The following MDGA2 variants were observed in gnomAD, a reference collection of about 807,000 sequenced individuals.
MDGA2 encodes MAM domain containing glycosylphosphatidylinositol anchor 2, also known as MAM domain-containing glycosylphosphatidylinositol anchor protein 2.
In MDGA2, 40 loss-of-function variants were observed where a neutral mutation model predicts 117.8. The observed-to-expected ratio is 0.34, with a 90% CI of 0.26 to 0.44. MDGA2 has a LOEUF of 0.44. Ranked by LOEUF, MDGA2 falls within the 20% of genes least tolerant of loss-of-function variation. The pLI, the probability that MDGA2 is intolerant of heterozygous loss-of-function variation, is 1.00. For synonymous variants in MDGA2, 452 were observed against 439.0 expected, an observed-to-expected ratio of 1.03 and a Z score of -0.37; for missense variants, 1,123 against 1,250.6, an observed-to-expected ratio of 0.90 and a Z score of 1.54.
intron 1 of MDGA2, among the ~76,000 whole-genome samples, chr14:47,674,231 C>G (rs1415562416): frequency 2.0e-5 from 3 of 152,156 alleles, no homozygotes. Context: ...TGCTGGAGCT[C>G]GGATTCCCCG....
chr14:46,864,322 T>C (rs1003374207), intron 14 of MDGA2, among the ~76,000 whole-genome samples: 1 of 150,746 alleles, frequency 6.6e-6, no homozygotes, highest in Non-Finnish European at 1.5e-5. Context: ...AATGTTGACT[T>C]ACAAAACTAG....
At chr14:47,457,640 G>C (rs544169778) in intron 1 of MDGA2, among the ~76,000 whole-genome samples, 1 of 151,928 alleles carries the variant, frequency 6.6e-6, no homozygotes, top group African/African-American at 2.4e-5. Context: ...TCTTTGCCTC[G>C]AATTTGGAGT....
chr14:47,392,462 GC>G (rs1462377368), intron 1 of MDGA2, among the ~76,000 whole-genome samples: 1 of 152,038 alleles, frequency 6.6e-6, no homozygotes, highest in Non-Finnish European at 1.5e-5. Flanking sequence ...ATGCAAGTAG[GC>G]CTTTGAGTCC....
chr14:46,940,602 TG>T (rs1884962142), intron 9 of MDGA2, among the ~76,000 whole-genome samples: 1 of 146,722 alleles, frequency 6.8e-6, no homozygotes, highest in Non-Finnish European at 1.5e-5. Flanking sequence ...CACTACAGCC[TG>T]GGTGACAGAG....
At position 47,366,466 on chromosome 14, in the gene MDGA2, C is replaced by T. The variant is rs191758830; in HGVS notation, c.281-64916G>A. Among the ~76,000 whole-genome samples, 21 of 152,080 alleles carry T rather than the reference C, an allele frequency of 1.4e-4. No homozygotes were observed. In the East Asian group the frequency reaches 3.7e-3, roughly 27 times the overall value. ...GCCAGGGTGAACTAGGCCTCTTTTCCATGATCTCTATTAGCAAGAGCCAAA... is the reference window on the plus strand; with the variant it reads ...GCCAGGGTGAACTAGGCCTCTTTTCTATGATCTCTATTAGCAAGAGCCAAA... On this transcript the variant is annotated intron_variant, in intron 1 of 16. Coordinates refer to ENST00000399232, the MANE Select transcript of MDGA2 (RefSeq NM_001113498.3).
intron 3 of MDGA2, among the ~76,000 whole-genome samples, chr14:47,205,779 T>C (rs1297109125): frequency 6.6e-6 from 1 of 152,014 alleles, no homozygotes; most frequent in Non-Finnish European, 1.5e-5. Flanking sequence ...TAATCTTAGC[T>C]TAGCATTTCA....
At chr14:47,146,000 A>C (rs534493824) in intron 3 of MDGA2, among the ~76,000 whole-genome samples, 15 of 152,130 alleles carry the variant, frequency 9.9e-5, no homozygotes, top group Non-Finnish European at 1.5e-4. Context: ...AAAAACTTTA[A>C]CAAAGGCCTG....
intron 10 of MDGA2, among the ~76,000 whole-genome samples, chr14:46,913,290 T>A (rs1883774862): frequency 6.6e-6 from 1 of 152,150 alleles, no homozygotes; most frequent in Non-Finnish European, 1.5e-5. Context: ...CAGTATGGTA[T>A]TATAAGATTA....
chr14:47,237,702 C>T (rs570492114), intron 2 of MDGA2, among the ~76,000 whole-genome samples: 38 of 152,168 alleles, frequency 2.5e-4, no homozygotes, highest in East Asian at 7.8e-4. Context: ...TTCCTCATAT[C>T]GAAATTCTTG....
rs183896120 is a variant in MDGA2 at position 46,885,100 on chromosome 14, G to T, written c.2239-2879C>A. Among the ~76,000 whole-genome samples the T allele has an allele frequency of 3.6e-4, 55 of 152,082 alleles. 3 individuals carry two copies. The South Asian group carries it at 7.9e-3, about 22-fold the overall frequency. ...TGACCTCAAGTGATCACCCAACTCA[G>T]CCTCCTGAAGTGCTGGGATTACAGG... On this transcript the variant is annotated intron_variant, in intron 10 of 16. Coordinates refer to ENST00000399232, the MANE Select transcript of MDGA2 (RefSeq NM_001113498.3).
intron 9 of MDGA2, among the ~76,000 whole-genome samples, chr14:46,945,056 A>G (rs569785602): frequency 6.6e-6 from 1 of 152,244 alleles, no homozygotes; most frequent in Non-Finnish European, 1.5e-5. Context: ...TGAAGAATAT[A>G]TGATAAATAA....
intron 6 of MDGA2, among the ~76,000 whole-genome samples, chr14:47,087,575 A>G (rs1389261114): frequency 6.6e-6 from 1 of 151,668 alleles, no homozygotes; most frequent in Admixed American, 6.6e-5. Flanking sequence ...CCAAAGGCCT[A>G]TTTACATATC....
At chr14:47,494,196 T>G (rs1384250221) in intron 1 of MDGA2, among the ~76,000 whole-genome samples, 1 of 152,228 alleles carries the variant, frequency 6.6e-6, no homozygotes, top group East Asian at 1.9e-4. Flanking sequence ...TAAACCTCTT[T>G]GCTTTATAAA....
chr14:46,982,260 A>C (rs937581717), intron 8 of MDGA2, among the ~76,000 whole-genome samples: 2 of 152,164 alleles, frequency 1.3e-5, no homozygotes, highest in Non-Finnish European at 2.9e-5. Context: ...AAACTGTGTA[A>C]AGGAGGTCCA....
chr14:47,610,121 C>G (rs1896820713), intron 1 of MDGA2, among the ~76,000 whole-genome samples: 1 of 152,052 alleles, frequency 6.6e-6, no homozygotes, highest in African/African-American at 2.4e-5. Context: ...ATCCAGCACC[C>G]TTTATGATTA....
At chr14:47,578,123 A>T (rs972699958) in intron 1 of MDGA2, among the ~76,000 whole-genome samples, 1 of 152,210 alleles carries the variant, frequency 6.6e-6, no homozygotes, top group Non-Finnish European at 1.5e-5. Context: ...TTTCATGGAC[A>T]TGGATGAAGC....
intron 9 of MDGA2, among the ~76,000 whole-genome samples, chr14:46,948,377 A>T (rs1445173390): frequency 6.6e-6 from 1 of 151,912 alleles, no homozygotes; most frequent in Non-Finnish European, 1.5e-5. Context: ...TGTGTTCCTT[A>T]GGTAAAGGGA....
chr14:47,524,476 G>A (rs1381821920), intron 1 of MDGA2, among the ~76,000 whole-genome samples: 2 of 152,132 alleles, frequency 1.3e-5, no homozygotes, highest in African/African-American at 2.4e-5. Flanking sequence ...ATGGCTTCTA[G>A]AGAATTAAGC....
Position 47,086,288 on chromosome 14 carries a change from TAA to T in MDGA2, c.1195+10564_1195+10565del, listed in dbSNP as rs1218975647. Among the ~76,000 whole-genome samples the T allele has an allele frequency of 3.9e-5, 6 of 152,104 alleles. No individual in the cohort carries two copies. The South Asian group carries it at 1.0e-3, about 26-fold the overall frequency. On this transcript the variant is annotated intron_variant, in intron 6 of 16. Coordinates refer to ENST00000399232, the MANE Select transcript of MDGA2 (RefSeq NM_001113498.3). ...GAAGAAGAGAAGATTCTTTGAAAAC[TAA>T]AATTAAGAAATTATCCTATAGAATC...
Sources: gnomAD v4.1 joint callset for allele counts (sites outside exome capture counted in the v4.1 genomes callset) on GRCh38, gnomAD v4.1.1 for gene constraint, MANE v1.5 for transcripts, NCBI Gene and HGNC (gene_info 2026-07-23, HGNC 2026-07-21) for gene names.